The following WDR17 variants were observed in gnomAD, a reference collection of about 807,000 sequenced individuals.
WDR17 encodes the protein WD repeat domain 17.
In WDR17, 143 loss-of-function variants were observed where a neutral mutation model predicts 161.7. The observed-to-expected ratio is 0.88, with a 90% confidence interval of 0.77 to 1.02. The LOEUF is 1.02. WDR17 is among the 50% of genes least tolerant of loss of function. The pLI, the probability that WDR17 is intolerant of heterozygous loss-of-function variation, is 0.00. For synonymous variants in WDR17, 517 were observed against 515.6 expected (o/e 1.00, Z -0.04); for missense variants, 1,469 against 1,520.9 (o/e 0.97, Z 0.57).
Position 176,176,958 on chromosome 4 carries a change from A to T in WDR17, c.3450-100A>T, listed in dbSNP as rs115822928. The T allele has an allele frequency of 4.3e-3, 3,382 of 785,764 alleles. 12 individuals are homozygous for T. Among genetic ancestry groups the T allele is most frequent in the Non-Finnish European group, 5.8e-3 (2,716 of 464,992 alleles). The allele number at this position is 785,764 out of a possible 1,614,324, so 48.7% of individuals were successfully genotyped here. A position where few individuals can be genotyped will look rare whatever the true frequency, so the allele number is the denominator to read the frequency against. On this transcript the variant is annotated intron_variant, in intron 26 of 28. Coordinates refer to ENST00000508596, the MANE Select transcript of WDR17 (RefSeq NM_181265.4). The stretch of plus-strand genomic sequence containing the variant: ...TATATATAACGTATAATGTCTGTAT[A>T]CAGAAATATATAAATCTAAAATCAC...
At chr4:176,176,569 A>C (rs533283711) in intron 26 of WDR17, among the ~76,000 whole-genome samples, 2 of 152,312 alleles carry the variant, frequency 1.3e-5, no homozygotes, top group African/African-American at 2.4e-5. Flanking sequence ...ATATTCAGGC[A>C]TAGCGTACTC....
In WDR17 at chr4:176,120,982, T is replaced by G. The variant is rs150680723; in HGVS notation, c.538+885T>G. On this transcript the variant is annotated intron_variant, in intron 4 of 28. Transcript: ENST00000508596. ...AAACATTGAAACATTGGGGCCATTA[T>G]ATTCTAAATACATTTTAAATGGGAT... Among the ~76,000 whole-genome samples the G allele has an allele frequency of 3.7e-3, 570 of 152,310 alleles. 2 individuals carry two copies. Among genetic ancestry groups the G allele is most frequent in the African/African-American group, 0.013 (538 of 41,560 alleles).
Position 176,176,321 on chromosome 4 carries a change from C to T in WDR17, c.3450-737C>T, listed in dbSNP as rs370476958. Among the ~76,000 whole-genome samples the T allele has an allele frequency of 5.9e-5, 9 of 152,194 alleles. No individual in the cohort carries two copies. The East Asian group carries it at 1.4e-3, about 23-fold the overall frequency. On this transcript the variant is annotated intron_variant, in intron 26 of 28. Coordinates refer to ENST00000508596, the MANE Select transcript of WDR17 (RefSeq NM_181265.4). ...AATTTCCTAATATTAAAGAATGTAT[C>T]GTCTCTGACAGTTCCATCTTTGTTG...
chr4:176,084,836 A>G (rs1561076399), intron 1 of WDR17, among the ~76,000 whole-genome samples: 1 of 149,462 alleles, frequency 6.7e-6, no homozygotes, highest in East Asian at 2.0e-4. Context: ...AGGGCATTCA[A>G]TTATGCAGAA....
chr4:176,070,312 G>A (rs909430858), intron 1 of WDR17, among the ~76,000 whole-genome samples: 5 of 152,106 alleles, frequency 3.3e-5, no homozygotes, highest in African/African-American at 9.7e-5. Flanking sequence ...GGCTCAGAGC[G>A]TAATATTTGA....
intron 1 of WDR17, among the ~76,000 whole-genome samples, chr4:176,090,420 C>T (rs1300117528): frequency 6.6e-6 from 1 of 152,088 alleles, no homozygotes. Flanking sequence ...TCCTGTATAG[C>T]CTGTAGAACC....
intron 10 of WDR17, among the ~76,000 whole-genome samples, chr4:176,141,177 G>A (rs1456546150): frequency 7.2e-6 from 1 of 139,506 alleles, no homozygotes; most frequent in Non-Finnish European, 1.6e-5. Context: ...AAATTATATA[G>A]AATCCTTTTC....
chr4:176,177,772 G>C (rs1420748637), intron 28 of WDR17, 118 bp downstream of exon 28: 5 of 991,930 alleles, frequency 5.0e-6, no homozygotes, highest in Non-Finnish European at 7.2e-6. Flanking sequence ...CTGGGGTCCA[G>C]TAAGGAAATA....
chr4:176,148,568 C>T (rs965028388), intron 13 of WDR17, among the ~76,000 whole-genome samples: 1 of 152,060 alleles, frequency 6.6e-6, no homozygotes, highest in African/African-American at 2.4e-5. Flanking sequence ...TGTCTTTCTC[C>T]CCACTGTCTG....
At chr4:176,150,955 A>G (rs934317769) in intron 16 of WDR17, among the ~76,000 whole-genome samples, 3 of 152,200 alleles carry the variant, frequency 2.0e-5, no homozygotes, top group African/African-American at 4.8e-5. Context: ...TGATCATATT[A>G]TAGCTCTTAA....
chr4:176,151,328 G>A (rs921794058), intron 16 of WDR17, among the ~76,000 whole-genome samples: 1 of 152,016 alleles, frequency 6.6e-6, no homozygotes, highest in Non-Finnish European at 1.5e-5. Context: ...TATCTGTTCT[G>A]TGTAACTACA....
chr4:176,141,720 A>G (rs1478233385), intron 10 of WDR17, among the ~76,000 whole-genome samples: 1 of 152,260 alleles, frequency 6.6e-6, no homozygotes. Flanking sequence ...GGCATGAGCC[A>G]CCGTGCCCGG....
Position 176,179,644 on chromosome 4 carries a change from C to T in WDR17, c.*65C>T, listed in dbSNP as rs915955016. The T allele has an allele frequency of 9.2e-6, 13 of 1,414,716 alleles. No individual in the cohort carries two copies. The African/African-American group carries it at 1.8e-4, about 19-fold the overall frequency. 87.6% of individuals were successfully genotyped at this position (1,414,716 alleles called of 1,614,324 possible). A position where few individuals can be genotyped will look rare whatever the true frequency, so the allele number is the denominator to read the frequency against. ...AAAAACTTTCATGGGTTAGCATTAC[C>T]TTAATCTTTGTTGCTCAAGTGCCAG... is the stretch of plus-strand genomic sequence containing the variant. On this transcript the variant is annotated 3_prime_UTR_variant, in exon 29 of 29. Transcript: ENST00000508596.
chr4:176,172,196 G>T (rs550860601), intron 23 of WDR17, 179 bp from the exon 24 acceptor site: 1 of 567,400 alleles, frequency 1.8e-6, no homozygotes, highest in South Asian at 2.5e-5. Flanking sequence ...ACTGTTTTTA[G>T]ATCTTAAAGG....
rs1205992947 is a variant in WDR17, at chr4:176,146,085, G to A, written c.1620G>A (p.Gly540=). The A allele has an allele frequency of 1.2e-6, 2 of 1,613,844 alleles. No homozygotes were observed. The highest frequency in any genetic ancestry group is 8.5e-7 in the Non-Finnish European group (1 of 1,179,932). Residue 540 remains glycine (G), a synonymous_variant, in exon 12 of 29, where the codon GGG becomes GGA. Coordinates refer to ENST00000508596, the MANE Select transcript of WDR17 (RefSeq NM_181265.4). Reference sequence around the variant, plus strand: ...ATCAACCATTGAAAGTATTTAGTGGGCATACAGCAAAAGTGTTTCATGTTA... The same window carrying A: ...ATCAACCATTGAAAGTATTTAGTGGACATACAGCAAAAGTGTTTCATGTTA... ...SSDQPLKVFS[G]HTAKVFHVKW...
At chr4:176,161,090 T>C in intron 20 of WDR17, 88 bp downstream of exon 20, 1 of 1,012,652 alleles carries the variant, frequency 9.9e-7, no homozygotes, top group Non-Finnish European at 1.4e-6. Flanking sequence ...CATCCTTCTT[T>C]GTATACTGAT....
intron 22 of WDR17, chr4:176,166,166 G>T: frequency 2.3e-6 from 2 of 872,466 alleles, no homozygotes; most frequent in South Asian, 1.9e-5. Flanking sequence ...TTTTATTTAA[G>T]AACACATTCC....
At chr4:176,086,529 A>G (rs1479675933) in intron 1 of WDR17, among the ~76,000 whole-genome samples, 1 of 151,816 alleles carries the variant, frequency 6.6e-6, no homozygotes, top group Non-Finnish European at 1.5e-5. Flanking sequence ...TCTCATTGTC[A>G]CCTTTATCTT....
rs150536158 is a variant in WDR17 at position 176,127,631 on chromosome 4, A to G, written c.791-1107A>G. Among the ~76,000 whole-genome samples, 884 of 152,288 alleles carry G rather than the reference A, an allele frequency of 5.8e-3. 9 individuals are homozygous for G. The highest frequency in any genetic ancestry group is 0.02 in the African/African-American group (826 of 41,574). On this transcript the variant is annotated intron_variant, in intron 5 of 28. Coordinates refer to ENST00000508596, the MANE Select transcript of WDR17 (RefSeq NM_181265.4). ...GGAAATTGTTTTGTATTTTATTACT[A>G]TTACTGAAATATGCTTCACATATAA...
Sources: gnomAD v4.1 joint callset for allele counts (sites outside exome capture counted in the v4.1 genomes callset) on GRCh38, gnomAD v4.1.1 for gene constraint, MANE v1.5 for transcripts, NCBI Gene and HGNC (gene_info 2026-07-23, HGNC 2026-07-21) for gene names.